Variants in MIB1 observed in about 807,000 individuals in gnomAD.
The protein encoded by MIB1 is E3 ubiquitin-protein ligase MIB1.
A neutral mutation model predicts 124.5 loss-of-function variants in MIB1; 278 were observed. The observed-to-expected ratio is 2.23, with a 90% CI of 2.02 to 2.47. The LOEUF is 2.47. MIB1 is among the 30% of genes most tolerant of loss of function. The pLI is 0.00. For synonymous variants in MIB1, 446 were observed against 429.4 expected, an observed-to-expected ratio of 1.04 and a Z score of -0.48; for missense variants, 957 against 1,254.4, an observed-to-expected ratio of 0.76 and a Z score of 3.58.
At chr18:21,779,754 C>G in intron 6 of MIB1, 69 bp downstream of exon 6, 1 of 1,273,632 alleles carries the variant, frequency 7.9e-7, no homozygotes, top group Non-Finnish European at 1.1e-6. Flanking sequence ...TTAGAGAAAG[C>G]AAATAAAGTG....
chr18:21,767,227 G>A (rs970327134), intron 2 of MIB1, among the ~76,000 whole-genome samples: 1 of 152,196 alleles, frequency 6.6e-6, no homozygotes, highest in African/African-American at 2.4e-5. Flanking sequence ...TTACAGTTCA[G>A]CATTGCTGGG....
upstream of MIB1, among the ~76,000 whole-genome samples, chr18:21,737,130 C>T (rs1419026916): frequency 1.3e-5 from 2 of 152,104 alleles, no homozygotes; most frequent in South Asian, 2.1e-4. Flanking sequence ...GGTCGGGTTA[C>T]CCACAAAGGA....
chr18:21,743,422 GT>G (rs1207514546), intron 1 of MIB1, among the ~76,000 whole-genome samples: 2 of 152,122 alleles, frequency 1.3e-5, no homozygotes, highest in African/African-American at 4.8e-5. Context: ...ATTATTTCAT[GT>G]TTTCTTTACA....
chr18:21,773,076 G>A (rs2041240571), intron 3 of MIB1, among the ~76,000 whole-genome samples: 1 of 152,066 alleles, frequency 6.6e-6, no homozygotes, highest in African/African-American at 2.4e-5. Context: ...GACCAGCCTG[G>A]CCAACATGGT....
At chr18:21,753,457 C>G (rs970571831) in intron 1 of MIB1, among the ~76,000 whole-genome samples, 4 of 151,770 alleles carry the variant, frequency 2.6e-5, no homozygotes, top group South Asian at 2.1e-4. Flanking sequence ...CAAAGTGTTG[C>G]GATTACAGTG....
At chr18:21,738,550 G>A (rs1409642830), upstream of MIB1, among the ~76,000 whole-genome samples, 4 of 151,950 alleles carry the variant, frequency 2.6e-5, no homozygotes, top group South Asian at 6.2e-4. Context: ...GCTCACGCCT[G>A]TAATCCCAGC....
intron 1 of MIB1, among the ~76,000 whole-genome samples, chr18:21,713,612 C>CAAAAAAAAAA (rs57282241): frequency 2.3e-5 from 1 of 44,212 alleles, no homozygotes; most frequent in Non-Finnish European, 4.7e-5. Flanking sequence ...GATTCTGTCT[C>CAAAAAAAAAA]AAAAAAAAAA....
intron 6 of MIB1, among the ~76,000 whole-genome samples, chr18:21,784,241 G>T (rs2041407125): frequency 6.6e-6 from 1 of 151,662 alleles, no homozygotes; most frequent in Non-Finnish European, 1.5e-5. Flanking sequence ...TAGAGAGGGG[G>T]TTTCACCATG....
intron 1 of MIB1, among the ~76,000 whole-genome samples, chr18:21,763,053 A>G (rs1255354093): frequency 6.6e-6 from 1 of 151,028 alleles, no homozygotes; most frequent in Non-Finnish European, 1.5e-5. Context: ...GTGTTTACCT[A>G]TCACTTTAAT....
At chr18:21,739,421 T>A (rs2040817019), upstream of MIB1, among the ~76,000 whole-genome samples, 1 of 152,104 alleles carries the variant, frequency 6.6e-6, no homozygotes, top group Admixed American at 6.6e-5. Context: ...GAGGGAATCC[T>A]CCCTCCTTCG....
At chr18:21,841,586 G>C (rs180938446) in intron 13 of MIB1, among the ~76,000 whole-genome samples, 156 of 151,940 alleles carry the variant, frequency 1.0e-3, no homozygotes, top group Non-Finnish European at 1.8e-3. Context: ...GTATTGGTTA[G>C]GATGTGGAAC....
intron 20 of MIB1, among the ~76,000 whole-genome samples, 196 bp downstream of exon 20, chr18:21,858,842 A>G (rs1420892505): frequency 6.6e-6 from 1 of 152,222 alleles, no homozygotes; most frequent in African/African-American, 2.4e-5. Flanking sequence ...CAAATGGCCA[A>G]TGAATATGAA....
At chr18:21,813,099 G>A (rs994898092) in intron 10 of MIB1, among the ~76,000 whole-genome samples, 1 of 151,364 alleles carries the variant, frequency 6.6e-6, no homozygotes, top group Non-Finnish European at 1.5e-5. Flanking sequence ...TTATTTTTAT[G>A]TAAATTATTG....
intron 4 of MIB1, among the ~76,000 whole-genome samples, chr18:21,777,746 C>CG (rs1245094118): frequency 6.6e-6 from 1 of 151,864 alleles, no homozygotes; most frequent in Non-Finnish European, 1.5e-5. Context: ...TTAGTGGAGA[C>CG]GGGGTTTCAC....
intron 13 of MIB1, among the ~76,000 whole-genome samples, chr18:21,839,831 G>T (rs2042065782): frequency 6.6e-6 from 1 of 152,160 alleles, no homozygotes; most frequent in Non-Finnish European, 1.5e-5. Flanking sequence ...AAAGTCTGTT[G>T]GGAGTTTGAT....
intron 18 of MIB1, among the ~76,000 whole-genome samples, chr18:21,856,246 A>AACAAAAAC (rs71178196): frequency 4.7e-5 from 7 of 150,154 alleles, no homozygotes; most frequent in Non-Finnish European, 1.0e-4. Flanking sequence ...CAAAAAAAAA[A>AACAAAAAC]CAAAAAACAA....
At chr18:21,810,897 T>G (rs929785746) in intron 10 of MIB1, among the ~76,000 whole-genome samples, 1 of 151,648 alleles carries the variant, frequency 6.6e-6, no homozygotes, top group Non-Finnish European at 1.5e-5. Flanking sequence ...TTCATGAAAA[T>G]TAAAAACAAC....
intron 1 of MIB1, among the ~76,000 whole-genome samples, chr18:21,707,650 T>C (rs2040645772): frequency 6.6e-6 from 1 of 152,182 alleles, no homozygotes; most frequent in Non-Finnish European, 1.5e-5. Context: ...GAACCAACTC[T>C]GGACGCCCCT....
At chr18:21,753,352 C>T (rs1383942591) in intron 1 of MIB1, among the ~76,000 whole-genome samples, 1 of 151,826 alleles carries the variant, frequency 6.6e-6, no homozygotes, top group South Asian at 2.1e-4. Flanking sequence ...CTACACCTGG[C>T]TTATTTTGTA....
Sources: gnomAD v4.1 joint callset for allele counts (sites outside exome capture counted in the v4.1 genomes callset) on GRCh38, gnomAD v4.1.1 for gene constraint, MANE v1.5 for transcripts, NCBI Gene and HGNC (gene_info 2026-07-23, HGNC 2026-07-21) for gene names.